The following UNC5B variants were observed in gnomAD, a reference collection of about 807,000 sequenced individuals.
UNC5B encodes the protein netrin receptor UNC5B.
A neutral mutation model predicts 103.7 loss-of-function variants in UNC5B; 56 were observed. The observed-to-expected ratio is 0.54, with a 90% CI of 0.44 to 0.67. The LOEUF (loss-of-function observed/expected upper bound fraction) is 0.67, where lower values mean the gene tolerates loss of function less well. Ranked by LOEUF, UNC5B falls within the 30% of genes least tolerant of loss-of-function variation. The probability of loss-of-function intolerance (pLI) is 0.00; values close to 1 mark genes in which losing one functional copy is unlikely to be tolerated. For missense variants in UNC5B, 1,194 were observed against 1,284.5 expected (o/e 0.93, Z 1.08); for synonymous variants, 577 against 542.0 (o/e 1.06, Z -0.90).
Position 71,279,987 on chromosome 10 carries a change from C to T in UNC5B, c.246C>T (p.Asn82=), listed in dbSNP as rs758554826. The T allele has an allele frequency of 1.4e-5, 22 of 1,614,138 alleles. No individual in the cohort carries two copies. The highest frequency in any genetic ancestry group is 4.4e-5 in the South Asian group (4 of 91,088). The stretch of plus-strand genomic sequence containing the variant: ...CCACACAGATCTACTTCAAGTGCAA[C>T]GGCGAGTGGGTCAGCCAGAACGACC... ...FPATQIYFKC[N]GEWVSQNDHV... is the part of the protein sequence containing the mutation. The change falls in exon 2 of 17, where the codon AAC becomes AAT. Residue 82 remains asparagine (N), a synonymous_variant. Transcript: ENST00000335350.
chr10:71,266,718 ACT>A (rs1844532248), intron 1 of UNC5B, among the ~76,000 whole-genome samples: 1 of 152,092 alleles, frequency 6.6e-6, no homozygotes, highest in Non-Finnish European at 1.5e-5. Flanking sequence ...AGGTCCACTC[ACT>A]GTTTTTTCCT....
chr10:71,240,490 G>T (rs1843874656), intron 1 of UNC5B, among the ~76,000 whole-genome samples: 1 of 152,238 alleles, frequency 6.6e-6, no homozygotes, highest in Non-Finnish European at 1.5e-5. Context: ...GTGGGCACAG[G>T]GCCAGCAGGG....
intron 1 of UNC5B, among the ~76,000 whole-genome samples, chr10:71,263,837 G>C (rs1000403155): frequency 2.0e-5 from 3 of 152,132 alleles, no homozygotes; most frequent in African/African-American, 7.2e-5. Flanking sequence ...GGGGTGCCCA[G>C]TAAGGTACCA....
At chr10:71,294,071 C>G in intron 13 of UNC5B, 138 bp downstream of exon 13, 4 of 760,704 alleles carry the variant, frequency 5.3e-6, no homozygotes, top group Non-Finnish European at 8.3e-6. Context: ...GCTTGCGACC[C>G]TCACACACTG....
rs765907519 is a variant in UNC5B, at chr10:71,299,291, G to A, written c.*14G>A. 3.0e-5 allele frequency: 49 copies of A among 1,613,294 alleles called. No individual in the cohort carries two copies. Among genetic ancestry groups the A allele is most frequent in the Non-Finnish European group, 3.8e-5 (45 of 1,179,860 alleles). On this transcript the variant is annotated 3_prime_UTR_variant, in exon 17 of 17. Transcript: ENST00000335350. ...GGGGACTGCTGAGCCTCCTGGGACA[G>A]CGGGCTGGCAGGGACTGGCAGGAGG...
chr10:71,269,501 A>G (rs1210488369), intron 1 of UNC5B, among the ~76,000 whole-genome samples: 1 of 151,876 alleles, frequency 6.6e-6, no homozygotes, highest in Non-Finnish European at 1.5e-5. Flanking sequence ...TCCATCAGTT[A>G]GTGGAGTCCT....
intron 1 of UNC5B, among the ~76,000 whole-genome samples, chr10:71,227,743 CACATACAT>C (rs1282260656): frequency 8.1e-5 from 10 of 123,282 alleles, no homozygotes; most frequent in African/African-American, 2.4e-4. Flanking sequence ...CACACACACA[CACATACAT>C]ACCCTAGTCC....
intron 1 of UNC5B, among the ~76,000 whole-genome samples, chr10:71,271,491 GA>G (rs1012492344): frequency 9.9e-5 from 15 of 152,206 alleles, no homozygotes; most frequent in Admixed American, 1.3e-4. Flanking sequence ...CTTGGAAAAG[GA>G]ACCAAAAATT....
Position 71,213,086 on chromosome 10 carries a change from G to A in UNC5B, c.79+22G>A, listed in dbSNP as rs571220361. ...GCAGGTAGGAAGCGATCGGGTCTGG[G>A]GGCGCGGGGCTAGGGGACCCTTGCG... is the stretch of plus-strand genomic sequence containing the variant. On this transcript the variant is annotated intron_variant, in intron 1 of 16. Transcript: ENST00000335350. This position sits in a 1 kb window ranked among gnomAD's most constrained non-coding sequence, Gnocchi z 4.1. The A allele has an allele frequency of 6.1e-6, 8 of 1,313,330 alleles. No homozygotes were observed. The African/African-American group carries it at 1.1e-4, about 17-fold the overall frequency. The allele number at this position is 1,313,330 out of a possible 1,614,324, so 81.4% of individuals were successfully genotyped here. A position where few individuals can be genotyped will look rare whatever the true frequency, so the allele number is the denominator to read the frequency against.
At chr10:71,260,668 C>T (rs1256407340) in intron 1 of UNC5B, among the ~76,000 whole-genome samples, 1 of 152,222 alleles carries the variant, frequency 6.6e-6, no homozygotes, top group African/African-American at 2.4e-5. Context: ...AGCAGGCCGT[C>T]CTCATTAAAG....
chr10:71,267,986 C>T (rs927331390), intron 1 of UNC5B, among the ~76,000 whole-genome samples: 3 of 152,206 alleles, frequency 2.0e-5, no homozygotes, highest in Non-Finnish European at 4.4e-5. Flanking sequence ...CCAGGATGTT[C>T]CTGGGACTCT....
At chr10:71,263,712 G>A (rs1844465540) in intron 1 of UNC5B, among the ~76,000 whole-genome samples, 1 of 152,214 alleles carries the variant, frequency 6.6e-6, no homozygotes. Flanking sequence ...AGCCTCTATT[G>A]TTTTGAACTT....
intron 1 of UNC5B, among the ~76,000 whole-genome samples, chr10:71,256,350 C>T (rs1589169648): frequency 6.6e-6 from 1 of 152,248 alleles, no homozygotes; most frequent in African/African-American, 2.4e-5. Flanking sequence ...CCATTGGCAG[C>T]TGGGCTCAGG....
chr10:71,281,781 G>T (rs1318623689), intron 2 of UNC5B, among the ~76,000 whole-genome samples: 1 of 152,262 alleles, frequency 6.6e-6, no homozygotes, highest in Non-Finnish European at 1.5e-5. Context: ...TTGACTGAAG[G>T]TCCTGGTGAG....
At chr10:71,216,618 C>G (rs1843334480) in intron 1 of UNC5B, among the ~76,000 whole-genome samples, 1 of 152,158 alleles carries the variant, frequency 6.6e-6, no homozygotes, top group African/African-American at 2.4e-5. Flanking sequence ...TATGTTTTTA[C>G]TTTTTACTTA....
At chr10:71,284,432 G>C (rs1345193001) in intron 2 of UNC5B, among the ~76,000 whole-genome samples, 1 of 152,212 alleles carries the variant, frequency 6.6e-6, no homozygotes, top group Non-Finnish European at 1.5e-5. Flanking sequence ...CCCGCATGAA[G>C]GGTCTCATAA....
Position 71,296,968 on chromosome 10 carries a change from C to CA in UNC5B, c.2490+226_2490+227insA, listed in dbSNP as rs1564516425. On this transcript the variant is annotated intron_variant, in intron 15 of 16. Transcript: ENST00000335350. ...GTGAGGGAAGGGCGGCCAGATATTC[C>CA]GGCTGCACACCACTCTGGTGGAGGT... 1.3e-4 allele frequency among the ~76,000 whole-genome samples: 19 copies of CA among 141,952 alleles called. 1 individual carries two copies. Among genetic ancestry groups the CA allele is most frequent in the Non-Finnish European group, 2.7e-4 (17 of 63,984 alleles). The allele number at this position is 141,952 out of a possible 152,430, so 93.1% of individuals were successfully genotyped here. A position where few individuals can be genotyped will look rare whatever the true frequency, so the allele number is the denominator to read the frequency against.
chr10:71,271,136 AC>A (rs1367607793), intron 1 of UNC5B, among the ~76,000 whole-genome samples: 1 of 151,880 alleles, frequency 6.6e-6, no homozygotes, highest in Admixed American at 6.6e-5. Context: ...GGAAGCTGAG[AC>A]CCCGTCCCCT....
At chr10:71,216,920 G>C (rs978117843) in intron 1 of UNC5B, among the ~76,000 whole-genome samples, 1 of 152,214 alleles carries the variant, frequency 6.6e-6, no homozygotes, top group Non-Finnish European at 1.5e-5. Context: ...CAGGCAGCCC[G>C]TCTTTTGACC....
Sources: allele counts gnomAD v4.1 joint callset (sites outside exome capture counted in the v4.1 genomes callset), GRCh38; gene constraint gnomAD v4.1.1; non-coding constraint Gnocchi (gnomAD v3.1); transcripts MANE v1.5; gene names NCBI Gene and HGNC (gene_info 2026-07-23, HGNC 2026-07-21).